Variants in DOCK9 observed in about 807,000 individuals in gnomAD.
DOCK9 encodes the protein dedicator of cytokinesis 9.
In DOCK9, 89 loss-of-function variants were observed where a neutral mutation model predicts 263.3. That is an observed-to-expected ratio of 0.34 (90% CI 0.28 to 0.40). The LOEUF is 0.40. DOCK9 is among the 10% of genes least tolerant of loss of function. The pLI is 1.00. For synonymous variants in DOCK9, 976 were observed against 973.1 expected (o/e 1.00, Z -0.06); for missense variants, 2,140 against 2,603.4 (o/e 0.82, Z 3.87).
chr13:98,799,202 C>T (rs1329797638), intron 50 of DOCK9, among the ~76,000 whole-genome samples: 7 of 152,134 alleles, frequency 4.6e-5, no homozygotes, highest in Admixed American at 3.3e-4. Flanking sequence ...GGTTCTTTAG[C>T]GTGGATCTGA....
chr13:98,954,271 CAA>C (rs994461201), intron 2 of DOCK9, among the ~76,000 whole-genome samples: 8 of 149,962 alleles, frequency 5.3e-5, no homozygotes, highest in African/African-American at 2.0e-4. Flanking sequence ...GCTCGATTCA[CAA>C]AAGACAGGGC....
At chr13:98,955,321 A>C in intron 2 of DOCK9, 114 bp downstream of exon 2, 1 of 721,970 alleles carries the variant, frequency 1.4e-6, no homozygotes, top group Middle Eastern at 4.4e-4. Flanking sequence ...TGTGTCTCAA[A>C]AAAAATAATA....
intron 9 of DOCK9, among the ~76,000 whole-genome samples, chr13:98,908,223 T>C (rs1485911701): frequency 6.6e-6 from 1 of 152,036 alleles, no homozygotes; most frequent in African/African-American, 2.4e-5. Flanking sequence ...AAAATATAAA[T>C]GAAAGCACAG....
intron 1 of DOCK9, among the ~76,000 whole-genome samples, chr13:99,038,310 T>TCGC (rs2142109464): frequency 7.4e-6 from 1 of 134,754 alleles, no homozygotes; most frequent in Non-Finnish European, 1.6e-5. Context: ...TTTTTTTTTT[T>TCGC]TTTTTTTTTT....
intron 3 of DOCK9, among the ~76,000 whole-genome samples, chr13:98,929,784 GA>G (rs1210670814): frequency 6.6e-6 from 1 of 151,648 alleles, no homozygotes; most frequent in Non-Finnish European, 1.5e-5. Flanking sequence ...TGAAATAAAT[GA>G]TACATAAATG....
chr13:99,030,462 G>A (rs1477908825), intron 1 of DOCK9, among the ~76,000 whole-genome samples: 1 of 152,168 alleles, frequency 6.6e-6, no homozygotes, highest in Non-Finnish European at 1.5e-5. Flanking sequence ...GGACAGGTTT[G>A]GTAAGAGACA....
At chr13:99,076,583 T>A (rs1349442335) in intron 1 of DOCK9, among the ~76,000 whole-genome samples, 1 of 152,110 alleles carries the variant, frequency 6.6e-6, no homozygotes. Context: ...GAGAAACTCA[T>A]GATATGATAG....
intron 9 of DOCK9, among the ~76,000 whole-genome samples, chr13:98,911,349 T>C (rs2049990191): frequency 6.6e-6 from 1 of 152,202 alleles, no homozygotes; most frequent in Non-Finnish European, 1.5e-5. Flanking sequence ...ATGTTTGAGG[T>C]GATGGCTATC....
intron 2 of DOCK9, among the ~76,000 whole-genome samples, chr13:98,942,138 C>T (rs2055967699): frequency 6.6e-6 from 1 of 152,128 alleles, no homozygotes; most frequent in Non-Finnish European, 1.5e-5. Context: ...GTGCATTGCA[C>T]TCAACCTTGA....
chr13:98,813,829 C>G (rs1369897478), intron 45 of DOCK9, among the ~76,000 whole-genome samples: 1 of 151,960 alleles, frequency 6.6e-6, no homozygotes, highest in East Asian at 1.9e-4. Context: ...TTAGTAGAGA[C>G]AGGGTTTCTC....
At chr13:98,965,374 G>C (rs114147846) in intron 1 of DOCK9, among the ~76,000 whole-genome samples, 89 of 152,298 alleles carry the variant, frequency 5.8e-4, no homozygotes, top group African/African-American at 2.1e-3. Flanking sequence ...TGTCTGTAGG[G>C]ACAATGATCT....
intron 37 of DOCK9, 68 bp downstream of exon 37, chr13:98,848,524 A>G (rs1347087172): frequency 1.3e-6 from 2 of 1,530,856 alleles, no homozygotes; most frequent in Non-Finnish European, 1.8e-6. Flanking sequence ...ACTGATGACC[A>G]ATCCCACACA....
At chr13:98,946,591 C>T (rs990460546) in intron 2 of DOCK9, among the ~76,000 whole-genome samples, 4 of 152,166 alleles carry the variant, frequency 2.6e-5, no homozygotes, top group Non-Finnish European at 2.9e-5. Context: ...AGACCCCATG[C>T]GGAACCCTGC....
At position 98,993,104 on chromosome 13, in the gene DOCK9, C is replaced by T. The variant is rs116575864; in HGVS notation, c.130-37553G>A. Among the ~76,000 whole-genome samples the T allele has an allele frequency of 6.1e-4, 93 of 152,298 alleles. 1 individual carries two copies. The highest frequency in any genetic ancestry group is 2.2e-3 in the African/African-American group (91 of 41,566). On this transcript the variant is annotated intron_variant, in intron 1 of 32. Transcript: ENST00000427887. ...GCAGTCTTAGTCAGGAGTATGGACT[C>T]TGCCTCCTCAATGAGAAGTGTAAAA...
intron 10 of DOCK9, 96 bp downstream of exon 10, chr13:98,904,536 C>T: frequency 2.0e-6 from 2 of 999,656 alleles, no homozygotes; most frequent in South Asian, 1.8e-5. Flanking sequence ...CTTGTTTTTC[C>T]AAAATAAACA....
At chr13:98,932,538 C>A (rs530327116) in intron 2 of DOCK9, among the ~76,000 whole-genome samples, 1 of 152,358 alleles carries the variant, frequency 6.6e-6, no homozygotes, top group South Asian at 2.1e-4. Context: ...GATCTCACAG[C>A]ATTGGTCCTG....
chr13:99,084,311 T>G (rs1226640499), intron 1 of DOCK9, among the ~76,000 whole-genome samples: 1 of 152,196 alleles, frequency 6.6e-6, no homozygotes, highest in East Asian at 1.9e-4. Context: ...ACAATGCATT[T>G]CCTATTTCCC....
At chr13:99,072,843 C>A (rs1227771973) in intron 1 of DOCK9, among the ~76,000 whole-genome samples, 1 of 152,014 alleles carries the variant, frequency 6.6e-6, no homozygotes, top group Non-Finnish European at 1.5e-5. Flanking sequence ...ACAAAAAATA[C>A]AAAATTGAGC....
At chr13:98,888,739 A>G in intron 15 of DOCK9, 28 bp from the exon 16 acceptor site, 1 of 1,599,614 alleles carries the variant, frequency 6.3e-7, no homozygotes, top group South Asian at 1.1e-5. Context: ...GAAAAATTAA[A>G]CATTCGTAAG....
Sources: allele counts gnomAD v4.1 joint callset (sites outside exome capture counted in the v4.1 genomes callset), GRCh38; gene constraint gnomAD v4.1.1; transcripts MANE v1.5; gene names NCBI Gene and HGNC (gene_info 2026-07-23, HGNC 2026-07-21).